SLC7A10: variants seen among roughly 807,000 people sequenced by gnomAD.
The protein encoded by SLC7A10 is solute carrier family 7 member 10.
A neutral mutation model predicts 52.7 loss-of-function variants in SLC7A10; 30 were observed. That is an observed-to-expected ratio of 0.57 (90% CI 0.43 to 0.77). The LOEUF (loss-of-function observed/expected upper bound fraction) is 0.77, where lower values mean the gene tolerates loss of function less well. Ranked by LOEUF, SLC7A10 falls within the 30% of genes least tolerant of loss-of-function variation. SLC7A10 has a pLI of 0.00. For missense variants in SLC7A10, 581 were observed against 698.5 expected (o/e 0.83, Z 1.90); for synonymous variants, 318 against 314.9 (o/e 1.01, Z -0.10).
At chr19:33,225,477 G>T in intron 1 of SLC7A10, 76 bp downstream of exon 1, 2 of 1,547,586 alleles carry the variant, frequency 1.3e-6, no homozygotes, top group Non-Finnish European at 8.8e-7. Context: ...CCCGGAGAGG[G>T]GACGCCCCTC....
intron 1 of SLC7A10, among the ~76,000 whole-genome samples, chr19:33,225,100 G>A (rs547625432): frequency 2.0e-5 from 3 of 152,328 alleles, no homozygotes; most frequent in South Asian, 4.1e-4. Flanking sequence ...GCACTGCGTG[G>A]CACCTGGACC....
intron 1 of SLC7A10, among the ~76,000 whole-genome samples, chr19:33,217,622 G>A (rs555703017): frequency 1.8e-4 from 28 of 152,190 alleles, no homozygotes; most frequent in Non-Finnish European, 3.8e-4. Context: ...ACACCAGACC[G>A]GGTCCTGAGA....
chr19:33,209,354 C>G lies in SLC7A10; in HGVS notation c.1395G>C (p.Leu465=). ...IILTGVPIFF[L]GVFWRSKPKC... ...TTGGTTTGCTTCTCCAGAACACTCCCAGAAAGAAAATGGGCACCCCCGTAA... is the reference window on the plus strand; with the variant it reads ...TTGGTTTGCTTCTCCAGAACACTCCGAGAAAGAAAATGGGCACCCCCGTAA... Residue 465 remains leucine (L), a synonymous_variant, in exon 10 of 11, where the codon CTG becomes CTC. Coordinates refer to ENST00000253188, the MANE Select transcript of SLC7A10 (RefSeq NM_019849.3). 6.2e-7 allele frequency: 1 copy of G among 1,614,018 alleles called. No individual in the cohort carries two copies. The highest frequency in any genetic ancestry group is 1.1e-5 in the South Asian group (1 of 91,070).
rs1464235635 is a variant in SLC7A10, at chr19:33,215,929, G to A, written c.196C>T (p.Leu66=). The A allele has an allele frequency of 6.2e-7, 1 of 1,601,846 alleles. No individual in the cohort carries two copies. The change falls in exon 2 of 11, where the codon CTG becomes TTG. Residue 66 remains leucine, a synonymous_variant. Coordinates refer to ENST00000253188, the MANE Select transcript of SLC7A10 (RefSeq NM_019849.3). The part of the protein sequence containing the change: ...SGIFISPKGV[L]EHSGSVGLAL... The stretch of plus-strand genomic sequence containing the variant: ...AGACCCACGGAGCCTGAGTGCTCCA[G>A]GACCCCCTTGGGCGAGATGAAGATG...
At chr19:33,217,665 G>A (rs879749812) in intron 1 of SLC7A10, among the ~76,000 whole-genome samples, 11 of 152,288 alleles carry the variant, frequency 7.2e-5, no homozygotes, top group Middle Eastern at 3.4e-3. Context: ...GCGGGAGCCC[G>A]CCTCCTCCAC....
intron 2 of SLC7A10, 138 bp downstream of exon 2, chr19:33,215,631 C>CCCCCACACCTTCTCCCCATCCAG: frequency 2.3e-6 from 1 of 444,186 alleles, no homozygotes; most frequent in Non-Finnish European, 3.4e-6. Context: ...TCTCCATCCA[C>CCCCCACACCTTCTCCCCATCCAG]CCCCCACACC....
chr19:33,217,670 C>G (rs974853366), intron 1 of SLC7A10: 3 of 152,404 alleles, frequency 2.0e-5, no homozygotes, highest in Non-Finnish European at 2.9e-5. Context: ...AGCCCGCCTC[C>G]TCCACCTGCC....
chr19:33,222,411 TATAAA>T (rs1267184695), intron 1 of SLC7A10, among the ~76,000 whole-genome samples: 2 of 132,942 alleles, frequency 1.5e-5, no homozygotes, highest in African/African-American at 2.8e-5. Flanking sequence ...TAAAATAAAA[TATAAA>T]ATAAAATATA....
rs758946928 is a variant in SLC7A10 at position 33,211,319 on chromosome 19, C to T, written c.922G>A (p.Glu308Lys). ...CAAGAAAAGTAGCCCAGCAGCTTCT[C>T]CCCGAAGGTCTGGGTGGGCACAGTA... ...SSNAVAVTFG[E>K]KLLGYFSWVM... Residue 308 changes from glutamate (E) to lysine (K), a missense_variant, in exon 7 of 11, where the codon GAG (glutamate) becomes AAG (lysine). By Grantham distance (56) the Glu-to-Lys change is moderately conservative. Transcript: ENST00000253188. 29 of 1,613,976 alleles carry T rather than the reference C, an allele frequency of 1.8e-5. No individual in the cohort carries two copies. In the Admixed American group the frequency reaches 4.2e-4, roughly 23 times the overall value.
intron 2 of SLC7A10, among the ~76,000 whole-genome samples, chr19:33,214,928 A>G (rs1974635989): frequency 6.6e-6 from 1 of 152,184 alleles, no homozygotes; most frequent in Non-Finnish European, 1.5e-5. Flanking sequence ...GGTGCTCAGC[A>G]AATATTCCCT....
chr19:33,208,981 G>C lies in SLC7A10; in HGVS notation c.1482C>G (p.Val494=). The C allele has an allele frequency of 1.2e-6, 2 of 1,613,844 alleles. No individual in the cohort carries two copies. The highest frequency in any genetic ancestry group is 1.7e-6 in the Non-Finnish European group (2 of 1,180,032). ...THWGQELCFV[V]YPQDAPEEEE... ...CCTCTTCGGGGGCGTCCTGGGGGTA[G>C]ACCACGAAACACAGCTCCTGGCCCC... is the stretch of plus-strand genomic sequence containing the variant. The change falls in exon 11 of 11, where the codon GTC becomes GTG. Residue 494 remains valine, a synonymous_variant. Transcript: ENST00000253188. This position sits in a 1 kb window ranked among gnomAD's most constrained non-coding sequence, Gnocchi z 4.7.
chr19:33,211,023 CCCCCT>C (rs1301404436), intron 7 of SLC7A10, 125 bp from the exon 8 acceptor site: 3 of 1,022,654 alleles, frequency 2.9e-6, no homozygotes, highest in Admixed American at 1.9e-5. Flanking sequence ...GGACAGTTCT[CCCCCT>C]CATCCAGCCT....
chr19:33,217,249 T>C (rs943611689), intron 1 of SLC7A10, among the ~76,000 whole-genome samples: 8 of 151,796 alleles, frequency 5.3e-5, no homozygotes, highest in East Asian at 2.0e-4. Flanking sequence ...CTGGGCTCAA[T>C]TGACCACCCA....
At chr19:33,209,840 G>T (rs1309017425) in intron 9 of SLC7A10, among the ~76,000 whole-genome samples, 1 of 152,304 alleles carries the variant, frequency 6.6e-6, no homozygotes, top group East Asian at 1.9e-4. Context: ...CACATGGGGG[G>T]CTTTGCTTTT....
intron 2 of SLC7A10, 42 bp from the exon 3 acceptor site, chr19:33,213,044 C>A (rs1426946666): frequency 1.3e-6 from 2 of 1,557,724 alleles, no homozygotes; most frequent in Non-Finnish European, 1.7e-6. Context: ...CTGCCCAGAG[C>A]CCTTCCCGGC....
At chr19:33,223,682 A>G (rs1038664613) in intron 1 of SLC7A10, among the ~76,000 whole-genome samples, 1 of 152,128 alleles carries the variant, frequency 6.6e-6, no homozygotes, top group Non-Finnish European at 1.5e-5. Flanking sequence ...AAGGCTCCCC[A>G]AGACCACCAC....
intron 1 of SLC7A10, among the ~76,000 whole-genome samples, chr19:33,224,762 C>T (rs897212732): frequency 6.6e-6 from 1 of 152,226 alleles, no homozygotes; most frequent in Non-Finnish European, 1.5e-5. Flanking sequence ...CTGCCATTCC[C>T]ATGACCTCTG....
At chr19:33,218,683 T>TCCTTCCTTCC (rs1555733796) in intron 1 of SLC7A10, among the ~76,000 whole-genome samples, 4 of 31,896 alleles carry the variant, frequency 1.3e-4, no homozygotes, top group East Asian at 5.9e-4. Flanking sequence ...CTTTCTTTCT[T>TCCTTCCTTCC]TTTTTTTTTT....
chr19:33,211,611 C>A (rs1359778088), intron 5 of SLC7A10, 74 bp from the exon 6 acceptor site: 21 of 1,610,612 alleles, frequency 1.3e-5, no homozygotes, highest in Non-Finnish European at 1.5e-5. Flanking sequence ...GCCACGAGAG[C>A]AGCTCATAGT....
Sources: allele counts gnomAD v4.1 joint callset (sites outside exome capture counted in the v4.1 genomes callset), GRCh38; gene constraint gnomAD v4.1.1; non-coding constraint Gnocchi (gnomAD v3.1); transcripts MANE v1.5; gene names NCBI Gene and HGNC (gene_info 2026-07-23, HGNC 2026-07-21).